The following GALNTL6 variants were observed in gnomAD, a reference collection of about 807,000 sequenced individuals.
GALNTL6 encodes polypeptide N-acetylgalactosaminyltransferase-like 6.
In GALNTL6, 46 loss-of-function variants were observed where a neutral mutation model predicts 73.7. The ratio of observed to expected loss-of-function variants is 0.62; its 90% CI spans 0.49 to 0.80. The LOEUF is 0.80. Among genes scored for constraint, GALNTL6 ranks in the 30% least tolerant of loss-of-function variants. The pLI is 0.00. For missense variants in GALNTL6, 604 were observed against 755.0 expected (o/e 0.80, Z 2.34); for synonymous variants, 259 against 263.7 (o/e 0.98, Z 0.17).
intron 2 of GALNTL6, among the ~76,000 whole-genome samples, chr4:172,167,687 G>A (rs555048699): frequency 2.0e-5 from 3 of 152,020 alleles, no homozygotes; most frequent in Admixed American, 6.6e-5. Flanking sequence ...GGCCGGGCGC[G>A]GTGGCTCACG....
chr4:172,917,424 T>G (rs1163467283), intron 8 of GALNTL6, among the ~76,000 whole-genome samples: 1 of 152,170 alleles, frequency 6.6e-6, no homozygotes, highest in Non-Finnish European at 1.5e-5. Flanking sequence ...AAAGAGCTTC[T>G]GCACAGCAAA....
At chr4:173,005,713 G>C (rs1438294623) in intron 10 of GALNTL6, among the ~76,000 whole-genome samples, 1 of 152,146 alleles carries the variant, frequency 6.6e-6, no homozygotes, top group African/African-American at 2.4e-5. Context: ...TACTAATCTT[G>C]AGGAAGAGCT....
chr4:172,987,158 C>T (rs1304543731), intron 10 of GALNTL6, among the ~76,000 whole-genome samples: 1 of 152,122 alleles, frequency 6.6e-6, no homozygotes, highest in Non-Finnish European at 1.5e-5. Flanking sequence ...TCCATTCTCA[C>T]ACTGCTAATA....
At chr4:172,254,643 A>C (rs1276997481) in intron 3 of GALNTL6, among the ~76,000 whole-genome samples, 5 of 151,788 alleles carry the variant, frequency 3.3e-5, no homozygotes, top group African/African-American at 1.2e-4. Context: ...TCAGAAGAGG[A>C]GTAATGATCG....
intron 5 of GALNTL6, among the ~76,000 whole-genome samples, chr4:172,745,744 G>C (rs528634011): frequency 6.6e-6 from 1 of 152,198 alleles, no homozygotes; most frequent in South Asian, 2.1e-4. Context: ...GAGGGGATGA[G>C]AGAGTGGAAG....
intron 5 of GALNTL6, among the ~76,000 whole-genome samples, chr4:172,658,149 C>A (rs1172176407): frequency 1.2e-3 from 6 of 5,020 alleles, no homozygotes; most frequent in South Asian, 0.014. Context: ...GACTCCGTCT[C>A]AAAAAAAAAA....
intron 5 of GALNTL6, among the ~76,000 whole-genome samples, chr4:172,576,129 G>T (rs35748497): frequency 0.065 from 9,839 of 152,030 alleles, 466 homozygotes; most frequent in East Asian, 0.22. Flanking sequence ...AAAATGGTAG[G>T]TCCCTAAATT....
intron 8 of GALNTL6, among the ~76,000 whole-genome samples, chr4:172,896,847 G>A (rs77174467): frequency 3.0e-4 from 45 of 152,272 alleles, no homozygotes; most frequent in Non-Finnish European, 5.0e-4. Flanking sequence ...CCTGATTGCC[G>A]CAGGAGAGCT....
chr4:172,274,932 C>A (rs1738777123), intron 3 of GALNTL6, among the ~76,000 whole-genome samples: 1 of 152,172 alleles, frequency 6.6e-6, no homozygotes, highest in Non-Finnish European at 1.5e-5. Context: ...GAATCTTTTA[C>A]ATTTGTGTAA....
chr4:172,012,899 C>T (rs1279822648), intron 2 of GALNTL6, among the ~76,000 whole-genome samples: 1 of 152,094 alleles, frequency 6.6e-6, no homozygotes, highest in African/African-American at 2.4e-5. Flanking sequence ...ACAATCATTA[C>T]AAAGGACATC....
At chr4:172,613,691 G>A (rs1317482241) in intron 5 of GALNTL6, among the ~76,000 whole-genome samples, 4 of 152,044 alleles carry the variant, frequency 2.6e-5, no homozygotes, top group Non-Finnish European at 5.9e-5. Flanking sequence ...CATCTTTAAA[G>A]TCAAAAATAC....
At chr4:171,998,408 C>A (rs2110753149) in intron 2 of GALNTL6, among the ~76,000 whole-genome samples, 1 of 152,188 alleles carries the variant, frequency 6.6e-6, no homozygotes, top group Admixed American at 6.6e-5. Context: ...TGCCTCTCCA[C>A]ATAGTCTCCT....
rs527297750 is a variant in GALNTL6 at position 172,275,599 on chromosome 4, G to A, written c.248-36015G>A. 4.6e-5 allele frequency among the ~76,000 whole-genome samples: 7 copies of A among 152,254 alleles called. No individual in the cohort carries two copies. In the South Asian group the frequency reaches 1.5e-3, roughly 32 times the overall value. ...CTCAAAGTTAGCTTTTAACAATTAT[G>A]ATTACTTATTAAAAGGCTTTCTATA... is the stretch of plus-strand genomic sequence containing the variant. On this transcript the variant is annotated intron_variant, in intron 3 of 12. Transcript: ENST00000506823.
chr4:171,939,783 GGATACA>G (rs1385743473), intron 2 of GALNTL6, among the ~76,000 whole-genome samples: 1 of 151,948 alleles, frequency 6.6e-6, no homozygotes, highest in African/African-American at 2.4e-5. Flanking sequence ...AGATTATACA[GGATACA>G]GATAAACAAT....
rs905049380 is a variant in GALNTL6, at chr4:172,984,985, A to G, written c.1372-24193A>G. Among the ~76,000 whole-genome samples the G allele has an allele frequency of 3.3e-5, 5 of 152,140 alleles. No individual in the cohort carries two copies. In the South Asian group the frequency reaches 8.3e-4, roughly 25 times the overall value. ...AGAACCTGTACCCCCCAAAAATGTT[A>G]ATCACTTACATAAAATAATACTGAT... On this transcript the variant is annotated intron_variant, in intron 10 of 12. Transcript: ENST00000506823.
intron 5 of GALNTL6, among the ~76,000 whole-genome samples, chr4:172,570,353 A>C (rs1358793489): frequency 6.6e-6 from 1 of 152,182 alleles, no homozygotes; most frequent in Non-Finnish European, 1.5e-5. Context: ...AGAGAAAATT[A>C]AAAGTGATTT....
chr4:172,380,130 G>T, intron 5 of GALNTL6: 1 of 1,028,230 alleles, frequency 9.7e-7, no homozygotes, highest in Non-Finnish European at 1.5e-6. Flanking sequence ...TTTGCTAATG[G>T]ATCATCTGGA....
chr4:171,972,278 T>C (rs1739595903), intron 2 of GALNTL6, among the ~76,000 whole-genome samples: 1 of 152,214 alleles, frequency 6.6e-6, no homozygotes, highest in African/African-American at 2.4e-5. Context: ...TATTTTCTTT[T>C]GGGATTATAG....
intron 2 of GALNTL6, among the ~76,000 whole-genome samples, chr4:172,215,634 A>G (rs191224371): frequency 7.9e-5 from 12 of 152,188 alleles, no homozygotes; most frequent in Admixed American, 6.5e-4. Context: ...TTGTAAATAA[A>G]GTTTAGTTGA....
Sources: gnomAD v4.1 joint callset for allele counts (sites outside exome capture counted in the v4.1 genomes callset) on GRCh38, gnomAD v4.1.1 for gene constraint, MANE v1.5 for transcripts, NCBI Gene and HGNC (gene_info 2026-07-23, HGNC 2026-07-21) for gene names.